Variants in RAB38 observed in about 807,000 individuals in gnomAD.
The protein encoded by RAB38 is ras-related protein Rab-38.
A neutral mutation model predicts 18.4 loss-of-function variants in RAB38; 15 were observed. That is an observed-to-expected ratio of 0.82 (90% CI 0.55 to 1.26). The LOEUF (loss-of-function observed/expected upper bound fraction) is 1.26, where lower values mean the gene tolerates loss of function less well. Among genes scored for constraint, RAB38 ranks in the 50% most tolerant of loss-of-function variants. RAB38 has a pLI of 0.00. For missense variants in RAB38, 294 were observed against 267.4 expected (o/e 1.10, Z -0.69); for synonymous variants, 101 against 104.4 (o/e 0.97, Z 0.20).
At chr11:87,824,117 G>T in the RAB38 span, among the ~76,000 whole-genome samples, 2 of 152,128 alleles carry the variant, frequency 1.3e-5, no homozygotes, top group Non-Finnish European at 2.9e-5. Context: ...CAGACAGATT[G>T]CCATCCCTTC....
At chr11:87,841,325 A>G in the RAB38 span, among the ~76,000 whole-genome samples, 1 of 152,092 alleles carries the variant, frequency 6.6e-6, no homozygotes, top group South Asian at 2.1e-4. Flanking sequence ...TGGTTTCATG[A>G]GAGACTTTTT....
At chr11:87,891,423 C>T in the RAB38 span, among the ~76,000 whole-genome samples, 2 of 151,794 alleles carry the variant, frequency 1.3e-5, no homozygotes, top group African/African-American at 4.8e-5. Context: ...TTGCTTACCA[C>T]TCGTTCATTG....
chr11:87,975,929 G>T, the RAB38 span, among the ~76,000 whole-genome samples: 11 of 151,302 alleles, frequency 7.3e-5, no homozygotes, highest in African/African-American at 2.7e-4. Flanking sequence ...GCATTTAAAA[G>T]ATTAAAACAA....
chr11:87,870,450 T>G, the RAB38 span, among the ~76,000 whole-genome samples: 1 of 151,504 alleles, frequency 6.6e-6, no homozygotes. Flanking sequence ...TAAGAAATTC[T>G]TTTTGTCAAA....
chr11:88,166,860 A>G (rs769674795), intron 1 of RAB38: 2 of 152,166 alleles, frequency 1.3e-5, no homozygotes, highest in Non-Finnish European at 2.9e-5. Context: ...AAGTTTTTCA[A>G]TCATGAACAG....
the RAB38 span, among the ~76,000 whole-genome samples, chr11:87,884,473 C>T: frequency 2.6e-5 from 4 of 151,898 alleles, no homozygotes; most frequent in Non-Finnish European, 5.9e-5. Context: ...TGGTTTGTAG[C>T]AGAGAAAGAT....
chr11:87,977,821 A>G, the RAB38 span, among the ~76,000 whole-genome samples: 1 of 104,832 alleles, frequency 9.5e-6, no homozygotes, highest in Non-Finnish European at 1.8e-5. Flanking sequence ...TATTAAATAT[A>G]TGTTCCTATA....
At chr11:87,891,887 T>A in the RAB38 span, among the ~76,000 whole-genome samples, 3 of 151,864 alleles carry the variant, frequency 2.0e-5, no homozygotes, top group Non-Finnish European at 4.4e-5. Context: ...AGTTTCTCTT[T>A]TGTTTTTTCT....
At position 88,121,778 on chromosome 11, in the gene RAB38, G is replaced by A. The variant is rs1942632774; in HGVS notation, c.484-7638C>T. Among the ~76,000 whole-genome samples the A allele has an allele frequency of 2.0e-5, 3 of 152,144 alleles. No individual in the cohort carries two copies. In the South Asian group the frequency reaches 6.2e-4, roughly 32 times the overall value. The stretch of plus-strand genomic sequence containing the variant: ...GGGGTTTCACCATGTTGGCCAGGAT[G>A]CTCTCGATCTCCTGACCTCGGGATC... On this transcript the variant is annotated intron_variant, in intron 2 of 2. Coordinates refer to ENST00000243662, the MANE Select transcript of RAB38 (RefSeq NM_022337.3).
At chr11:88,119,157 A>T (rs1239046220) in intron 2 of RAB38, among the ~76,000 whole-genome samples, 1 of 152,062 alleles carries the variant, frequency 6.6e-6, no homozygotes, top group African/African-American at 2.4e-5. Context: ...TAAAACAAAT[A>T]TGTTACCAGG....
the RAB38 span, among the ~76,000 whole-genome samples, chr11:87,851,983 T>A: frequency 1.3e-5 from 2 of 152,182 alleles, no homozygotes; most frequent in African/African-American, 4.8e-5. Context: ...AAGAAACAGT[T>A]AAACTATATT....
the RAB38 span, among the ~76,000 whole-genome samples, chr11:88,004,215 C>A: frequency 2.7e-5 from 4 of 150,112 alleles, no homozygotes; most frequent in African/African-American, 9.7e-5. Flanking sequence ...ATACATTCTT[C>A]GTGAATACAG....
chr11:88,059,028 A>C, the RAB38 span, among the ~76,000 whole-genome samples: 1 of 152,090 alleles, frequency 6.6e-6, no homozygotes. Flanking sequence ...AATGTTTAAG[A>C]ACTCAGGATC....
At chr11:87,968,718 T>A in the RAB38 span, among the ~76,000 whole-genome samples, 1 of 152,184 alleles carries the variant, frequency 6.6e-6, no homozygotes, top group Non-Finnish European at 1.5e-5. Flanking sequence ...TGTTATTGAC[T>A]TACATACTAA....
chr11:87,977,107 TAATTATATTATACAAGTATATTATAA>T, the RAB38 span, among the ~76,000 whole-genome samples: 3 of 9,826 alleles, frequency 3.1e-4, 1 homozygote, highest in Non-Finnish European at 3.8e-4. Context: ...TTATAAAATA[TAATTATATTATACAAGTATATTATAA>T]AATTATATTA....
At chr11:88,044,445 C>G in the RAB38 span, among the ~76,000 whole-genome samples, 4 of 152,146 alleles carry the variant, frequency 2.6e-5, no homozygotes, top group African/African-American at 9.7e-5. Flanking sequence ...TCTCCCTTAG[C>G]CTGTGTTCTC....
chr11:87,881,223 G>A, the RAB38 span, among the ~76,000 whole-genome samples: 186 of 151,956 alleles, frequency 1.2e-3, 1 homozygote, highest in African/African-American at 3.8e-3. Flanking sequence ...ATGGAATAAC[G>A]TAGGTTGTTT....
the RAB38 span, among the ~76,000 whole-genome samples, chr11:87,844,941 T>A: frequency 6.6e-6 from 1 of 152,096 alleles, no homozygotes; most frequent in African/African-American, 2.4e-5. Context: ...ATAGCAAAGG[T>A]TTAGAAAACT....
the RAB38 span, among the ~76,000 whole-genome samples, chr11:88,030,740 C>T: frequency 6.6e-5 from 10 of 152,160 alleles, no homozygotes; most frequent in Non-Finnish European, 1.3e-4. Context: ...TAATCTATAG[C>T]TTACCAACCA....
Sources: allele counts gnomAD v4.1 joint callset (sites outside exome capture counted in the v4.1 genomes callset), GRCh38; gene constraint gnomAD v4.1.1; transcripts MANE v1.5; gene names NCBI Gene and HGNC (gene_info 2026-07-23, HGNC 2026-07-21).